ZEB1: variants seen among roughly 807,000 people sequenced by gnomAD.
ZEB1 encodes zinc finger E-box-binding homeobox 1.
ZEB1 carries 21 observed loss-of-function variants against 84.9 expected under a neutral mutation model. The ratio of observed to expected loss-of-function variants is 0.25; its 90% CI spans 0.18 to 0.36. The LOEUF (loss-of-function observed/expected upper bound fraction) is 0.36. Among genes scored for constraint, ZEB1 ranks in the 10% least tolerant of loss-of-function variants. The probability of loss-of-function intolerance (pLI) is 1.00; values close to 1 mark genes in which losing one functional copy is unlikely to be tolerated. For synonymous variants in ZEB1, 420 were observed against 471.1 expected (o/e 0.89, Z 1.41); for missense variants, 1,104 against 1,330.2 (o/e 0.83, Z 2.65).
chr10:31,439,539 G>A (rs1489975045), intron 1 of ZEB1, among the ~76,000 whole-genome samples: 1 of 152,072 alleles, frequency 6.6e-6, no homozygotes, highest in Non-Finnish European at 1.5e-5. Flanking sequence ...GGGGAACAGT[G>A]GTGATCGAAA....
intron 1 of ZEB1, among the ~76,000 whole-genome samples, chr10:31,384,652 A>G (rs1372098765): frequency 6.6e-6 from 1 of 152,224 alleles, no homozygotes; most frequent in Non-Finnish European, 1.5e-5. Context: ...AGTATGGCTT[A>G]GTAATCTGTA....
intron 2 of ZEB1, among the ~76,000 whole-genome samples, chr10:31,491,126 C>T (rs1334737744): frequency 1.3e-5 from 2 of 151,772 alleles, no homozygotes; most frequent in African/African-American, 4.8e-5. Flanking sequence ...GAGCCTCTCT[C>T]TTTCATGATC....
At position 31,411,723 on chromosome 10, in the gene ZEB1, A is replaced by G. The variant is rs567446749; in HGVS notation, c.59-49314A>G. On this transcript the variant is annotated intron_variant, in intron 1 of 8. Transcript: ENST00000424869. ...TTTCTCTCCCACAAGAGAAAGCAGGAAAGAACTAAAATCGACACCCTAACC... is the reference window on the plus strand; with the variant it reads ...TTTCTCTCCCACAAGAGAAAGCAGGGAAGAACTAAAATCGACACCCTAACC... Among the ~76,000 whole-genome samples the G allele has an allele frequency of 6.0e-5, 9 of 151,208 alleles. No homozygotes were observed. The South Asian group carries it at 1.3e-3, about 21-fold the overall frequency.
At chr10:31,340,914 G>T (rs1280077818) in intron 1 of ZEB1, among the ~76,000 whole-genome samples, 1 of 152,116 alleles carries the variant, frequency 6.6e-6, no homozygotes, top group Non-Finnish European at 1.5e-5. Flanking sequence ...AGGAGCAAAG[G>T]CACATGGGTG....
intron 2 of ZEB1, among the ~76,000 whole-genome samples, chr10:31,486,052 C>T (rs1347947473): frequency 6.6e-6 from 1 of 151,536 alleles, no homozygotes; most frequent in Non-Finnish European, 1.5e-5. Flanking sequence ...CAAGTTGTTG[C>T]GTGTATCAAT....
chr10:31,512,239 T>A (rs1415403028), intron 5 of ZEB1, among the ~76,000 whole-genome samples: 1 of 152,138 alleles, frequency 6.6e-6, no homozygotes, highest in East Asian at 1.9e-4. Context: ...ATATTCCCTC[T>A]ACTCCAAGGG....
At chr10:31,399,615 T>G (rs2051527665) in intron 1 of ZEB1, among the ~76,000 whole-genome samples, 1 of 152,184 alleles carries the variant, frequency 6.6e-6, no homozygotes, top group Non-Finnish European at 1.5e-5. Context: ...CTGTAATTGG[T>G]CTTCCTGTTT....
intron 2 of ZEB1, among the ~76,000 whole-genome samples, chr10:31,491,632 T>C (rs1192639628): frequency 6.6e-6 from 1 of 151,944 alleles, no homozygotes; most frequent in African/African-American, 2.4e-5. Context: ...TCATGTCATC[T>C]TCTCCAGTCC....
In ZEB1 at chr10:31,495,910, G is replaced by T; in HGVS notation, c.322+72G>T. Reference sequence around the variant, plus strand: ...TCTTTGTGTCACTGATTTCGCATTTGTGAGTCCTGAATTTAGTCCGTTTCC... The same window carrying T: ...TCTTTGTGTCACTGATTTCGCATTTTTGAGTCCTGAATTTAGTCCGTTTCC... On this transcript the variant is annotated intron_variant, in intron 3 of 8. Transcript: ENST00000424869. 2.0e-6 allele frequency: 3 copies of T among 1,527,214 alleles called. No individual in the cohort carries two copies. In the South Asian group the frequency reaches 3.4e-5, roughly 17 times the overall value. 94.6% of individuals were successfully genotyped at this position (1,527,214 alleles called of 1,614,324 possible). A position where few individuals can be genotyped will look rare whatever the true frequency, so the allele number is the denominator to read the frequency against.
At chr10:31,526,526 A>G (rs2073479008) in intron 8 of ZEB1, 146 bp from the exon 9 acceptor site, 2 of 1,020,374 alleles carry the variant, frequency 2.0e-6, no homozygotes, top group Non-Finnish European at 2.8e-6. Context: ...GCAATATTAT[A>G]TTACAAAGAG....
chr10:31,408,338 C>A (rs1316623240), intron 1 of ZEB1, among the ~76,000 whole-genome samples: 1 of 150,952 alleles, frequency 6.6e-6, no homozygotes, highest in African/African-American at 2.4e-5. Flanking sequence ...TTTACAGATT[C>A]AATGCCATCC....
intron 1 of ZEB1, among the ~76,000 whole-genome samples, chr10:31,445,004 G>A (rs1429475612): frequency 6.6e-6 from 1 of 151,416 alleles, no homozygotes; most frequent in Non-Finnish European, 1.5e-5. Context: ...ATTACCTTGG[G>A]CAGTATGGCC....
chr10:31,435,646 T>C (rs773123633), intron 1 of ZEB1, among the ~76,000 whole-genome samples: 2 of 151,842 alleles, frequency 1.3e-5, no homozygotes, highest in Non-Finnish European at 2.9e-5. Flanking sequence ...TGTAGGGGCA[T>C]GGAGTAGAGA....
Position 31,406,968 on chromosome 10 carries a change from G to C in ZEB1, c.59-54069G>C, listed in dbSNP as rs190848696. On this transcript the variant is annotated intron_variant, in intron 1 of 8. Transcript: ENST00000424869. ...ATAGGGAATCCTTTCCCCATTGCTT[G>C]TTTTTTGTCAGGTTTGTCAAAGATC... Among the ~76,000 whole-genome samples the C allele has an allele frequency of 8.8e-4, 134 of 152,024 alleles. 1 individual carries two copies. Among genetic ancestry groups the C allele is most frequent in the Admixed American group, 7.7e-3 (118 of 15,254 alleles).
At chr10:31,502,272 A>G (rs566740194) in intron 3 of ZEB1, 76 bp from the exon 4 acceptor site, 3 of 1,431,642 alleles carry the variant, frequency 2.1e-6, no homozygotes, top group South Asian at 2.5e-5. Flanking sequence ...CTCAAGATAA[A>G]TAATTTCTTA....
intron 1 of ZEB1, among the ~76,000 whole-genome samples, chr10:31,437,140 C>G (rs1441226182): frequency 6.6e-6 from 1 of 152,066 alleles, no homozygotes; most frequent in African/African-American, 2.4e-5. Context: ...TGCACATTAG[C>G]AAGGCATAAA....
In ZEB1 at chr10:31,526,180, T is replaced by C. The variant is rs187334867; in HGVS notation, c.2786-492T>C. 1.4e-4 allele frequency among the ~76,000 whole-genome samples: 22 copies of C among 152,322 alleles called. No homozygotes were observed. In the East Asian group the frequency reaches 3.9e-3, roughly 27 times the overall value. Reference sequence around the variant, plus strand: ...TTCTAAAGAAGCTCAGTATATATACTGTATATTTATGAGTTTTATCGTATA... The same window carrying C: ...TTCTAAAGAAGCTCAGTATATATACCGTATATTTATGAGTTTTATCGTATA... On this transcript the variant is annotated intron_variant, in intron 8 of 8. Coordinates refer to ENST00000424869, the MANE Select transcript of ZEB1 (RefSeq NM_001174096.2).
intron 2 of ZEB1, among the ~76,000 whole-genome samples, chr10:31,489,874 T>C (rs1278081658): frequency 6.6e-6 from 1 of 151,530 alleles, no homozygotes; most frequent in Non-Finnish European, 1.5e-5. Flanking sequence ...CTTCCTTTAG[T>C]AATTCTTTTA....
At chr10:31,445,201 A>G (rs1315874050) in intron 1 of ZEB1, among the ~76,000 whole-genome samples, 1 of 146,212 alleles carries the variant, frequency 6.8e-6, no homozygotes, top group Non-Finnish European at 1.5e-5. Context: ...TTCACTCATG[A>G]TTTGGCTTTC....
Sources: gnomAD v4.1 joint callset for allele counts (sites outside exome capture counted in the v4.1 genomes callset) on GRCh38, gnomAD v4.1.1 for gene constraint, MANE v1.5 for transcripts, NCBI Gene and HGNC (gene_info 2026-07-23, HGNC 2026-07-21) for gene names.